The following ZNF133 variants were observed in gnomAD, a reference collection of about 807,000 sequenced individuals.
The protein encoded by ZNF133 is zinc finger protein 133 (clone pHZ-13).
ZNF133 carries 26 observed loss-of-function variants against 54.9 expected under a neutral mutation model. The ratio of observed to expected loss-of-function variants is 0.47; its 90% CI spans 0.35 to 0.66. ZNF133 has a LOEUF of 0.66. Among genes scored for constraint, ZNF133 ranks in the 30% least tolerant of loss-of-function variants. The pLI is 0.01. For missense variants in ZNF133, 653 were observed against 820.8 expected (o/e 0.80, Z 2.50); for synonymous variants, 298 against 320.3 (o/e 0.93, Z 0.74).
chr20:18,304,108 C>G (rs751909288), intron 3 of ZNF133, among the ~76,000 whole-genome samples: 2 of 152,154 alleles, frequency 1.3e-5, no homozygotes, highest in African/African-American at 2.4e-5. Flanking sequence ...TTTGAATAGT[C>G]ATTTTTGCAA....
rs1490017168 is a variant in ZNF133, at chr20:18,305,320, T to C, written c.-7+142T>C. ...AGGATTTTGAGGAATTACTGAGTTATAGTGGACTATTTGATCTTTTAAATT... is the reference window on the plus strand; with the variant it reads ...AGGATTTTGAGGAATTACTGAGTTACAGTGGACTATTTGATCTTTTAAATT... On this transcript the variant is annotated intron_variant, in intron 4 of 6. Coordinates refer to ENST00000425686, the MANE Select transcript of ZNF133 (RefSeq NM_001352452.2). This position sits in a 1 kb window ranked among gnomAD's most constrained non-coding sequence, Gnocchi z 4.7. The C allele has an allele frequency of 1.3e-5, 7 of 539,140 alleles. No individual in the cohort carries two copies. Among genetic ancestry groups the C allele is most frequent in the African/African-American group, 2.1e-5 (1 of 48,414 alleles). 33.4% of individuals were successfully genotyped at this position (539,140 alleles called of 1,614,324 possible).
At chr20:18,301,183 T>C (rs2043288126) in intron 3 of ZNF133, among the ~76,000 whole-genome samples, 1 of 152,052 alleles carries the variant, frequency 6.6e-6, no homozygotes. Context: ...CTTAAACCAG[T>C]AGGTAGAGGA....
intron 1 of ZNF133, among the ~76,000 whole-genome samples, chr20:18,295,934 C>T (rs2042146178): frequency 6.6e-6 from 1 of 152,140 alleles, no homozygotes; most frequent in African/African-American, 2.4e-5. Flanking sequence ...GTTTCCCTTA[C>T]CTCACTGTGT....
At position 18,297,493 on chromosome 20, in the gene ZNF133, T is replaced by C. The variant is rs372278004; in HGVS notation, c.-431-492T>C. On this transcript the variant is annotated intron_variant, in intron 1 of 6. Transcript: ENST00000425686. ...TGAAGATATTTAATGTAGCTTAATG[T>C]TACGGTTTTTTAAATTTTTTTTCTG... is the stretch of plus-strand genomic sequence containing the variant. 1.5e-4 allele frequency among the ~76,000 whole-genome samples: 23 copies of C among 152,264 alleles called. No individual in the cohort carries two copies. In the East Asian group the frequency reaches 3.3e-3, roughly 22 times the overall value.
Position 18,288,575 on chromosome 20 carries a change from G to A in ZNF133, c.-461G>A. ...TGGAGGAGCTCCCCAGCTGGTGGCT[G>A]GAGCGACCCCTTGTTCTTTGGTGGC... On this transcript the variant is annotated 5_prime_UTR_variant, in exon 1 of 7. Coordinates refer to ENST00000425686, the MANE Select transcript of ZNF133 (RefSeq NM_001352452.2). 2.5e-6 allele frequency: 1 copy of A among 398,684 alleles called. No individual in the cohort carries two copies. Among genetic ancestry groups the A allele is most frequent in the Non-Finnish European group, 4.4e-6 (1 of 226,120 alleles). The allele number at this position is 398,684 out of a possible 1,614,324, so 24.7% of individuals were successfully genotyped here. A position where few individuals can be genotyped will look rare whatever the true frequency, so the allele number is the denominator to read the frequency against.
In ZNF133 at chr20:18,305,975, G is replaced by C. The variant is rs974485041; in HGVS notation, c.121+168G>C. On this transcript the variant is annotated intron_variant, in intron 5 of 6. Coordinates refer to ENST00000425686, the MANE Select transcript of ZNF133 (RefSeq NM_001352452.2). This position sits in a 1 kb window ranked among gnomAD's most constrained non-coding sequence, Gnocchi z 4.7. ...TCTGATTTTGCAGAGTGGAAAATGG[G>C]TAGATTTGTTGTGTGTGTGCATATG... Among the ~76,000 whole-genome samples, 2 of 152,194 alleles carry C rather than the reference G, an allele frequency of 1.3e-5. No homozygotes were observed. The highest frequency in any genetic ancestry group is 4.1e-4 in the South Asian group (2 of 4,832).
At position 18,309,688 on chromosome 20, in the gene ZNF133, A is replaced by G. The variant is rs139892852; in HGVS notation, c.217+3295A>G. Among the ~76,000 whole-genome samples, 38 of 152,324 alleles carry G rather than the reference A, an allele frequency of 2.5e-4. No homozygotes were observed. In the East Asian group the frequency reaches 7.1e-3, roughly 29 times the overall value. ...GGTGTGGAGAGGATGTGAGGCTGGT[A>G]GGTGATCAAATATTCAGGGCAGTGT... On this transcript the variant is annotated intron_variant, in intron 6 of 6. Coordinates refer to ENST00000425686, the MANE Select transcript of ZNF133 (RefSeq NM_001352452.2).
At chr20:18,300,998 T>C (rs114831756) in intron 3 of ZNF133, among the ~76,000 whole-genome samples, 2,440 of 152,178 alleles carry the variant, frequency 0.016, 68 homozygotes, top group African/African-American at 0.056. Context: ...AAAAATAGAA[T>C]ACACGTTCTT....
Position 18,306,782 on chromosome 20 carries a change from A to G in ZNF133, c.217+389A>G, listed in dbSNP as rs774768397. ...GTGGGAGGAAGAAATCTAAAAAGCCAATAGAGAAATTGAAATGGAATTCTA... is the reference window on the plus strand; with the variant it reads ...GTGGGAGGAAGAAATCTAAAAAGCCGATAGAGAAATTGAAATGGAATTCTA... On this transcript the variant is annotated intron_variant, in intron 6 of 6. Coordinates refer to ENST00000425686, the MANE Select transcript of ZNF133 (RefSeq NM_001352452.2). 5.5e-6 allele frequency: 7 copies of G among 1,279,344 alleles called. No homozygotes were observed. In the Admixed American group the frequency reaches 8.2e-5, roughly 15 times the overall value. The allele number at this position is 1,279,344 out of a possible 1,614,324, so 79.2% of individuals were successfully genotyped here. A position where few individuals can be genotyped will look rare whatever the true frequency, so the allele number is the denominator to read the frequency against.
intron 1 of ZNF133, among the ~76,000 whole-genome samples, chr20:18,290,310 C>G (rs1392059484): frequency 6.6e-6 from 1 of 152,190 alleles, no homozygotes; most frequent in African/African-American, 2.4e-5. Context: ...TTTGTTCAGA[C>G]TGCTCATTCC....
intron 6 of ZNF133, chr20:18,314,854 C>T (rs1451549854): frequency 1.5e-5 from 7 of 466,720 alleles, no homozygotes; most frequent in African/African-American, 1.2e-4. Flanking sequence ...CTTGTGTAGT[C>T]TTATATGTAG....
At chr20:18,306,630 G>A in intron 6 of ZNF133, 1 of 1,109,336 alleles carries the variant, frequency 9.0e-7, no homozygotes, top group Non-Finnish European at 1.2e-6. Context: ...CCTCCCAGTG[G>A]GTTTCTCCTC....
Position 18,305,609 on chromosome 20 carries a change from T to A in ZNF133, c.-6-72T>A. The A allele has an allele frequency of 6.2e-7, 1 of 1,609,244 alleles. No homozygotes were observed. Among genetic ancestry groups the A allele is most frequent in the South Asian group, 1.1e-5 (1 of 90,674 alleles). On this transcript the variant is annotated intron_variant, in intron 4 of 6. Transcript: ENST00000425686. This position sits in a 1 kb window ranked among gnomAD's most constrained non-coding sequence, Gnocchi z 4.7. Reference sequence around the variant, plus strand: ...CTCACCTGCCTCCCCCAGGGCAGCCTTATCCCTGCCCCTCACCCTGCCATG... The same window carrying A: ...CTCACCTGCCTCCCCCAGGGCAGCCATATCCCTGCCCCTCACCCTGCCATG...
Position 18,288,544 on chromosome 20 carries a change from C to G in ZNF133, c.-492C>G. 1 of 398,646 alleles carries G rather than the reference C, an allele frequency of 2.5e-6. No homozygotes were observed. Among genetic ancestry groups the G allele is most frequent in the Non-Finnish European group, 4.4e-6 (1 of 226,086 alleles). The allele number at this position is 398,646 out of a possible 1,614,324, so 24.7% of individuals were successfully genotyped here. A position where few individuals can be genotyped will look rare whatever the true frequency, so the allele number is the denominator to read the frequency against. On this transcript the variant is annotated 5_prime_UTR_variant, in exon 1 of 7. Transcript: ENST00000425686. ...GATTCGGGGTAGTGTAGTCCTGGCG[C>G]CCCGCTGGAGGAGCTCCCCAGCTGG...
chr20:18,298,040 G>C lies in ZNF133; in HGVS notation c.-376G>C. 3 of 1,535,428 alleles carry C rather than the reference G, an allele frequency of 2.0e-6. No individual in the cohort carries two copies. The highest frequency in any genetic ancestry group is 2.6e-6 in the Non-Finnish European group (3 of 1,146,792). On this transcript the variant is annotated 5_prime_UTR_variant, in exon 2 of 7. Coordinates refer to ENST00000425686, the MANE Select transcript of ZNF133 (RefSeq NM_001352452.2). ...GGGAGATAAGGAAAAAAAGCCACAG[G>C]GTCCCGGAGAGCCAGGGGAATGGTG...
At chr20:18,293,196 T>G (rs889106895) in intron 1 of ZNF133, among the ~76,000 whole-genome samples, 1 of 152,258 alleles carries the variant, frequency 6.6e-6, no homozygotes, top group African/African-American at 2.4e-5. Flanking sequence ...TCTCCCACAG[T>G]TCTTTGGGTT....
At chr20:18,293,831 C>T (rs1169168866) in intron 1 of ZNF133, among the ~76,000 whole-genome samples, 1 of 151,834 alleles carries the variant, frequency 6.6e-6, no homozygotes, top group African/African-American at 2.4e-5. Context: ...GATATAAATC[C>T]ATATTGATAT....
chr20:18,305,614 C>A lies in ZNF133; in HGVS notation c.-6-67C>A. The A allele has an allele frequency of 6.2e-7, 1 of 1,610,770 alleles. No homozygotes were observed. Among genetic ancestry groups the A allele is most frequent in the Non-Finnish European group, 8.5e-7 (1 of 1,178,564 alleles). ...CTGCCTCCCCCAGGGCAGCCTTATC[C>A]CTGCCCCTCACCCTGCCATGGGCAA... On this transcript the variant is annotated intron_variant, in intron 4 of 6. Coordinates refer to ENST00000425686, the MANE Select transcript of ZNF133 (RefSeq NM_001352452.2). This position sits in a 1 kb window ranked among gnomAD's most constrained non-coding sequence, Gnocchi z 4.7.
Position 18,305,068 on chromosome 20 carries a change from T to C in ZNF133, c.-117T>C, listed in dbSNP as rs2044294337. 4 of 985,000 alleles carry C rather than the reference T, an allele frequency of 4.1e-6. No individual in the cohort carries two copies. The highest frequency in any genetic ancestry group is 4.8e-6 in the Non-Finnish European group (4 of 829,624). The allele number at this position is 985,000 out of a possible 1,614,324, so 61.0% of individuals were successfully genotyped here. On this transcript the variant is annotated 5_prime_UTR_variant, in exon 4 of 7. The change abolishes an upstream ATG in the 5' untranslated region. Transcript: ENST00000425686. The surrounding 1 kb of genome is among the most constrained non-coding windows in gnomAD (Gnocchi z 4.7). Reference sequence around the variant, plus strand: ...AAAAGAATAAAACTGGGCAGGGGCATGAGAATAGGATGCAAAGATGAATTT... The same window carrying C: ...AAAAGAATAAAACTGGGCAGGGGCACGAGAATAGGATGCAAAGATGAATTT...
Sources: allele counts gnomAD v4.1 joint callset (sites outside exome capture counted in the v4.1 genomes callset), GRCh38; gene constraint gnomAD v4.1.1; non-coding constraint Gnocchi (gnomAD v3.1); transcripts MANE v1.5; gene names NCBI Gene and HGNC (gene_info 2026-07-23, HGNC 2026-07-21).